The following RNF122 variants were observed in gnomAD, a reference collection of about 807,000 sequenced individuals.
RNF122 encodes the protein ring finger protein 122.
A neutral mutation model predicts 24.2 loss-of-function variants in RNF122; 17 were observed. The ratio of observed to expected loss-of-function variants is 0.70; its 90% CI spans 0.48 to 1.06. RNF122 has a LOEUF of 1.06. Ranked by LOEUF, RNF122 falls within the 50% of genes least tolerant of loss-of-function variation. The pLI is 0.00. For synonymous variants in RNF122, 65 were observed against 71.8 expected (o/e 0.91, Z 0.48); for missense variants, 168 against 198.1 (o/e 0.85, Z 0.91).
At chr8:33,563,507 AG>A (rs1810572352) in intron 1 of RNF122, among the ~76,000 whole-genome samples, 1 of 152,244 alleles carries the variant, frequency 6.6e-6, no homozygotes, top group Non-Finnish European at 1.5e-5. Context: ...TGTGCCCAAC[AG>A]GAAGTTCCTT....
At chr8:33,554,858 A>G (rs1810428286) in intron 2 of RNF122, among the ~76,000 whole-genome samples, 1 of 152,016 alleles carries the variant, frequency 6.6e-6, no homozygotes, top group Admixed American at 6.6e-5. Flanking sequence ...CAGCTCTGAG[A>G]GAGGGGGAAG....
At chr8:33,566,604 C>T (rs1585364490) in intron 1 of RNF122, 95 bp downstream of exon 1, 2 of 1,324,606 alleles carry the variant, frequency 1.5e-6, no homozygotes, top group Non-Finnish European at 2.1e-6. Context: ...ACTTGGTTCC[C>T]GAGGGAGGAC....
At position 33,566,693 on chromosome 8, in the gene RNF122, A is replaced by G. The variant is rs1441775406; in HGVS notation, c.25+6T>C. 6 of 1,600,994 alleles carry G rather than the reference A, an allele frequency of 3.7e-6. No individual in the cohort carries two copies. The highest frequency in any genetic ancestry group is 5.1e-6 in the Non-Finnish European group (6 of 1,175,032). On this transcript the variant is annotated splice_donor_region_variant and intron_variant, in intron 1 of 5. Transcript: ENST00000256257. Reference sequence around the variant, plus strand: ...CGTAGGCTCGGCCCTCGCCCCGGGGACTCACCGTTACACCACTGGAATGGG... The same window carrying G: ...CGTAGGCTCGGCCCTCGCCCCGGGGGCTCACCGTTACACCACTGGAATGGG...
At position 33,564,887 on chromosome 8, in the gene RNF122, T is replaced by A. The variant is rs1005706840; in HGVS notation, c.25+1812A>T. On this transcript the variant is annotated intron_variant, in intron 1 of 5. Transcript: ENST00000256257. ...AACTCAGTCTCAAAAAAATAAAAAATAAAAAATAAAAAAAATAAAGCAGCA... is the reference window on the plus strand; with the variant it reads ...AACTCAGTCTCAAAAAAATAAAAAAAAAAAAATAAAAAAAATAAAGCAGCA... Among the ~76,000 whole-genome samples the A allele has an allele frequency of 4.6e-3, 694 of 151,242 alleles. 5 individuals are homozygous for A. Among genetic ancestry groups the A allele is most frequent in the African/African-American group, 0.015 (627 of 40,916 alleles).
At position 33,566,777 on chromosome 8, in the gene RNF122, G is replaced by A. The variant is rs1810632808; in HGVS notation, c.-54C>T. On this transcript the variant is annotated 5_prime_UTR_variant, in exon 1 of 6. Coordinates refer to ENST00000256257, the MANE Select transcript of RNF122 (RefSeq NM_024787.3). Reference sequence around the variant, plus strand: ...CGAACGGACGCAGGCGGGGTGCCAGGAGGGCGGGGTGGGAGCACTAGCGGC... The same window carrying A: ...CGAACGGACGCAGGCGGGGTGCCAGAAGGGCGGGGTGGGAGCACTAGCGGC... 10 of 1,579,232 alleles carry A rather than the reference G, an allele frequency of 6.3e-6. No homozygotes were observed. The highest frequency in any genetic ancestry group is 6.0e-6 in the Non-Finnish European group (7 of 1,162,838).
intron 1 of RNF122, among the ~76,000 whole-genome samples, chr8:33,563,893 G>C (rs796715218): frequency 6.6e-6 from 1 of 152,146 alleles, no homozygotes; most frequent in Admixed American, 6.6e-5. Flanking sequence ...CCACAAGCAC[G>C]ATGGTCCCCG....
At chr8:33,559,840 G>GTTTT (rs34393992) in intron 1 of RNF122, among the ~76,000 whole-genome samples, 2 of 131,430 alleles carry the variant, frequency 1.5e-5, no homozygotes, top group Non-Finnish European at 3.2e-5. Context: ...GACCTACGCT[G>GTTTT]TTTTTTTTTT....
intron 1 of RNF122, 51 bp downstream of exon 1, chr8:33,566,648 C>A (rs1421852970): frequency 3.8e-6 from 6 of 1,566,858 alleles, no homozygotes; most frequent in Non-Finnish European, 5.2e-6. Context: ...CACCCCGCGC[C>A]GCGGCTCCCA....
At chr8:33,549,244 T>C (rs1810334826) in intron 5 of RNF122, among the ~76,000 whole-genome samples, 166 bp downstream of exon 5, 1 of 145,588 alleles carries the variant, frequency 6.9e-6, no homozygotes, top group African/African-American at 2.7e-5. Context: ...AGAATATCCC[T>C]ACCCCTGTCC....
intron 1 of RNF122, among the ~76,000 whole-genome samples, chr8:33,565,827 A>T (rs1268225443): frequency 6.6e-6 from 1 of 152,130 alleles, no homozygotes; most frequent in Non-Finnish European, 1.5e-5. Flanking sequence ...CCGGGCGCGG[A>T]GCTCTCTGCG....
chr8:33,550,942 G>A lies in RNF122; in HGVS notation c.270+102C>T, dbSNP rs952822303. On this transcript the variant is annotated intron_variant, in intron 4 of 5. Coordinates refer to ENST00000256257, the MANE Select transcript of RNF122 (RefSeq NM_024787.3). The stretch of plus-strand genomic sequence containing the variant: ...TGGCCAAAGGAGATATGAAGGCATG[G>A]ACTAAGCAGTTTTCTGAAAAGCGTC... The A allele has an allele frequency of 2.8e-6, 3 of 1,078,454 alleles. No individual in the cohort carries two copies. In the African/African-American group the frequency reaches 4.7e-5, roughly 17 times the overall value. 66.8% of individuals were successfully genotyped at this position (1,078,454 alleles called of 1,614,324 possible).
intron 2 of RNF122, among the ~76,000 whole-genome samples, chr8:33,555,524 G>A (rs1031972344): frequency 6.6e-6 from 1 of 152,166 alleles, no homozygotes; most frequent in Admixed American, 6.5e-5. Flanking sequence ...TTTGACCACA[G>A]CCAAAGAAAA....
intron 1 of RNF122, among the ~76,000 whole-genome samples, chr8:33,565,771 C>T (rs1311102234): frequency 6.6e-6 from 1 of 152,192 alleles, no homozygotes; most frequent in African/African-American, 2.4e-5. Context: ...GGCCTTGTGG[C>T]CAGAAACACG....
intron 2 of RNF122, among the ~76,000 whole-genome samples, chr8:33,556,663 A>G (rs1239244760): frequency 6.6e-6 from 1 of 152,204 alleles, no homozygotes; most frequent in African/African-American, 2.4e-5. Context: ...AAGGAAAAAA[A>G]CAGGCTTCAG....
chr8:33,551,995 T>A (rs1426214651), intron 2 of RNF122, among the ~76,000 whole-genome samples: 1 of 152,220 alleles, frequency 6.6e-6, no homozygotes, highest in Non-Finnish European at 1.5e-5. Flanking sequence ...CTAATGGCAA[T>A]AGCATAATAT....
At chr8:33,549,935 GTT>G (rs776996573) in intron 4 of RNF122, among the ~76,000 whole-genome samples, 3 of 140,118 alleles carry the variant, frequency 2.1e-5, no homozygotes. Flanking sequence ...GATCAGTTAT[GTT>G]TTTTTTTTTT....
In RNF122 at chr8:33,547,923, G is replaced by A. The variant is rs2128837584; in HGVS notation, c.*830C>T. ...AAGTATAAAAATACTATTTACAAAG[G>A]GAAGGAGGTATCTGTTGCTTAACCG... On this transcript the variant is annotated 3_prime_UTR_variant, in exon 6 of 6. Transcript: ENST00000256257. 6.8e-6 allele frequency: 1 copy of A among 146,000 alleles called. No homozygotes were observed. Among genetic ancestry groups the A allele is most frequent in the African/African-American group, 2.6e-5 (1 of 39,176 alleles). The allele number at this position is 146,000 out of a possible 1,614,324, so 9.0% of individuals were successfully genotyped here.
chr8:33,566,661 AGCCCCACGTAGGCTCG>A, intron 1 of RNF122, 22 bp downstream of exon 1: 1 of 1,586,312 alleles, frequency 6.3e-7, no homozygotes, highest in Non-Finnish European at 8.6e-7. Context: ...GGCTCCCACC[AGCCCCACGTAGGCTCG>A]GCCCTCGCCC....
At chr8:33,555,423 G>A (rs762487493) in intron 2 of RNF122, among the ~76,000 whole-genome samples, 16 of 152,002 alleles carry the variant, frequency 1.1e-4, no homozygotes, top group Non-Finnish European at 2.4e-4. Context: ...GGCCAGTCTC[G>A]AACTCCTGAC....
Sources: gnomAD v4.1 joint callset for allele counts (sites outside exome capture counted in the v4.1 genomes callset) on GRCh38, gnomAD v4.1.1 for gene constraint, MANE v1.5 for transcripts, NCBI Gene and HGNC (gene_info 2026-07-23, HGNC 2026-07-21) for gene names.